ATP7B: variants seen among roughly 807,000 people sequenced by gnomAD.
ATP7B encodes copper-transporting ATPase 2.
In ATP7B, 113 loss-of-function variants were observed where a neutral mutation model predicts 118.9. That is an observed-to-expected ratio of 0.95 (90% confidence interval 0.82 to 1.11). ATP7B has a LOEUF of 1.11. Ranked by LOEUF, ATP7B falls within the 50% of genes most tolerant of loss-of-function variation. The pLI is 0.00. For missense variants in ATP7B, 1,867 were observed against 1,871.4 expected (o/e 1.00, Z 0.04); for synonymous variants, 777 against 727.4 (o/e 1.07, Z -1.10).
rs1375884723 is a variant in ATP7B, at chr13:51,937,546, G to C, written c.3833C>G (p.Ala1278Gly). ...GVNDSPALAQ[A>G]DMGVAIGTGT... is the part of the protein sequence containing the mutation. The stretch of plus-strand genomic sequence containing the variant: ...GGTGCCAATGGCCACACCCATGTCT[G>C]CCTGGGCCAAGGCCGGGGAGTCATT... Residue 1278 changes from alanine (A) to glycine (G), a missense_variant, in exon 18 of 21, where the codon GCA becomes GGA. Transcript: ENST00000242839. The C allele has an allele frequency of 6.2e-7, 1 of 1,614,242 alleles. No homozygotes were observed. Among genetic ancestry groups the C allele is most frequent in the Admixed American group, 1.7e-5 (1 of 60,034 alleles).
chr13:51,972,735 C>A (rs1343155118), intron 2 of ATP7B, among the ~76,000 whole-genome samples: 1 of 152,226 alleles, frequency 6.6e-6, no homozygotes, highest in Admixed American at 6.5e-5. Context: ...CATAGTGGCT[C>A]ACGCCTGCAA....
At chr13:51,999,970 C>T (rs952268705) in intron 1 of ATP7B, among the ~76,000 whole-genome samples, 1 of 152,124 alleles carries the variant, frequency 6.6e-6, no homozygotes, top group Non-Finnish European at 1.5e-5. Flanking sequence ...CTCCAAGTTG[C>T]CCCACCTCCT....
intron 19 of ATP7B, 44 bp from the exon 20 acceptor site, chr13:51,935,739 G>T: frequency 3.2e-6 from 5 of 1,555,378 alleles, no homozygotes; most frequent in Non-Finnish European, 4.4e-6. Flanking sequence ...TCTGGGGAGA[G>T]GAGCCAGGAG....
intron 7 of ATP7B, 39 bp from the exon 8 acceptor site, chr13:51,958,583 G>C: frequency 6.3e-7 from 1 of 1,585,476 alleles, no homozygotes; most frequent in Non-Finnish European, 8.7e-7. Context: ...AGCAAGTAGG[G>C]AGGAGAGTTC....
chr13:51,959,459 T>C (rs547693830), intron 7 of ATP7B: 48 of 144,944 alleles, frequency 3.3e-4, no homozygotes, highest in African/African-American at 1.2e-3. Context: ...CAGTGAACTA[T>C]GATCACATCA....
rs374001445 is a variant in ATP7B at position 51,980,892 on chromosome 13, TC to T, written c.52-5725del. 2.4e-4 allele frequency among the ~76,000 whole-genome samples: 37 copies of T among 152,102 alleles called. No homozygotes were observed. In the South Asian group the frequency reaches 5.6e-3, roughly 23 times the overall value. On this transcript the variant is annotated intron_variant, in intron 1 of 20. Coordinates refer to ENST00000242839, the MANE Select transcript of ATP7B (RefSeq NM_000053.4). ...AAGGCAACTTTTCCAATATATCACC[TC>T]CCCCCATACAACTTAACACATCTGA...
At chr13:51,985,251 A>G (rs1282270547) in intron 1 of ATP7B, among the ~76,000 whole-genome samples, 2 of 152,220 alleles carry the variant, frequency 1.3e-5, no homozygotes, top group Non-Finnish European at 2.9e-5. Flanking sequence ...AAGCAAAAAA[A>G]AGTCGGGGTT....
In ATP7B at chr13:51,965,006, C is replaced by T. The variant is rs779726417; in HGVS notation, c.1735G>A (p.Val579Ile). The T allele has an allele frequency of 2.5e-6, 4 of 1,614,108 alleles. No individual in the cohort carries two copies. In the South Asian group the frequency reaches 4.4e-5, roughly 18 times the overall value. ...GTGAGTTTGGACTCTATGTTGTGGA[C>T]ACAGGACGCGCAGGTCATCCCTGTG... ...TITGMTCASC[V>I]HNIESKLTRT... is the part of the protein sequence containing the mutation. Residue 579 changes from valine to isoleucine, a missense_variant, in exon 5 of 21, where the codon GTC becomes ATC. Coordinates refer to ENST00000242839, the MANE Select transcript of ATP7B (RefSeq NM_000053.4).
Position 51,974,890 on chromosome 13 carries a change from T to C in ATP7B, c.330A>G (p.Gln110=). Residue 110 remains glutamine, a synonymous_variant, in exon 2 of 21, where the codon CAA becomes CAG. Transcript: ENST00000242839. Reference sequence around the variant, plus strand: ...TGTCCCCAATTTGATGGCAAACCTGTTGCAGGCACACAACCGATGGCACAT... The same window carrying C: ...TGTCCCCAATTTGATGGCAAACCTGCTGCAGGCACACAACCGATGGCACAT... The part of the protein sequence containing the change: ...VKYVPSVVCL[Q]QVCHQIGDMG... 6.2e-7 allele frequency: 1 copy of C among 1,614,240 alleles called. No homozygotes were observed. Among genetic ancestry groups the C allele is most frequent in the Non-Finnish European group, 8.5e-7 (1 of 1,180,038 alleles).
chr13:51,973,845 G>C (rs1593786607), intron 2 of ATP7B, 90 bp downstream of exon 2: 1 of 1,573,950 alleles, frequency 6.4e-7, no homozygotes, highest in African/African-American at 1.3e-5. Context: ...GAGGCAGGGA[G>C]CAGGGCTCAC....
chr13:51,972,627 T>C (rs1489369914), intron 2 of ATP7B, among the ~76,000 whole-genome samples: 3 of 152,172 alleles, frequency 2.0e-5, no homozygotes, highest in Non-Finnish European at 4.4e-5. Flanking sequence ...CGTGGTCTCA[T>C]TGCCTCCATG....
At chr13:52,003,103 T>C (rs1245935803) in intron 1 of ATP7B, among the ~76,000 whole-genome samples, 1 of 152,208 alleles carries the variant, frequency 6.6e-6, no homozygotes, top group East Asian at 1.9e-4. Context: ...TTCACTAGAG[T>C]AGTACTTACT....
chr13:51,939,282 A>C, intron 16 of ATP7B, 89 bp from the exon 17 acceptor site: 1 of 1,572,952 alleles, frequency 6.4e-7, no homozygotes, highest in Non-Finnish European at 8.6e-7. Context: ...ATCATATAAT[A>C]TTATGTGCAA....
Position 51,974,945 on chromosome 13 carries a change from G to C in ATP7B, c.275C>G (p.Ser92Cys). 6.2e-7 allele frequency: 1 copy of C among 1,614,222 alleles called. No homozygotes were observed. Among genetic ancestry groups the C allele is most frequent in the Non-Finnish European group, 8.5e-7 (1 of 1,180,046 alleles). Residue 92 changes from serine (S) to cysteine (C), a missense_variant, in exon 2 of 21, where the codon TCC (serine) becomes TGC (cysteine). Transcript: ENST00000242839. The part of the protein sequence containing the change: ...NLKGIISMKV[S>C]LEQGSATVKY... ...CACAGTGGCACTGCCTTGTTCCAGG[G>C]AAACCTTCATGCTGATGATGCCTTT...
chr13:51,980,855 A>C (rs902480265), intron 1 of ATP7B, among the ~76,000 whole-genome samples: 1 of 146,144 alleles, frequency 6.8e-6, no homozygotes, highest in African/African-American at 2.4e-5. Context: ...TGAGGCAAAC[A>C]TGTTATACAT....
chr13:51,942,327 C>T (rs539308473), intron 15 of ATP7B, 59 bp downstream of exon 15: 1 of 1,608,760 alleles, frequency 6.2e-7, no homozygotes, highest in Admixed American at 1.7e-5. Flanking sequence ...GCGTGGTGCT[C>T]TCTGTGGTTT....
chr13:51,968,711 T>G, intron 3 of ATP7B, 104 bp from the exon 4 acceptor site: 1 of 1,370,836 alleles, frequency 7.3e-7, no homozygotes, highest in Non-Finnish European at 1.0e-6. Context: ...CAGAATCCTC[T>G]AGAACAGCAG....
chr13:51,941,235 G>T lies in ATP7B; in HGVS notation c.3413-11C>A, dbSNP rs369312119. 1.1e-5 allele frequency: 17 copies of T among 1,614,006 alleles called. No individual in the cohort carries two copies. The highest frequency in any genetic ancestry group is 1.4e-5 in the Non-Finnish European group (17 of 1,179,990). ...TCTGGGGGACTGCATCTATTCAAAAGAGGCTGTGGTTATTTCTAAATGGTC... is the reference window on the plus strand; with the variant it reads ...TCTGGGGGACTGCATCTATTCAAAATAGGCTGTGGTTATTTCTAAATGGTC... On this transcript the variant is annotated splice_polypyrimidine_tract_variant and intron_variant, in intron 15 of 20. Coordinates refer to ENST00000242839, the MANE Select transcript of ATP7B (RefSeq NM_000053.4).
intron 3 of ATP7B, 27 bp downstream of exon 3, chr13:51,970,465 A>G (rs1566579438): frequency 6.2e-7 from 1 of 1,613,976 alleles, no homozygotes; most frequent in African/African-American, 1.3e-5. Context: ...AGCATTCCTA[A>G]GTTCAACATG....
Sources: allele counts gnomAD v4.1 joint callset (sites outside exome capture counted in the v4.1 genomes callset), GRCh38; gene constraint gnomAD v4.1.1; transcripts MANE v1.5; gene names NCBI Gene and HGNC (gene_info 2026-07-23, HGNC 2026-07-21).